The following ULK4 variants were observed in gnomAD, a reference collection of about 807,000 sequenced individuals.
The protein encoded by ULK4 is unc-51 like kinase 4.
A neutral mutation model predicts 160.6 loss-of-function variants in ULK4; 133 were observed. The ratio of observed to expected loss-of-function variants is 0.83; its 90% confidence interval spans 0.72 to 0.96. The LOEUF (loss-of-function observed/expected upper bound fraction) is 0.96, where lower values mean the gene tolerates loss of function less well. ULK4 is among the 40% of genes least tolerant of loss of function. The probability of loss-of-function intolerance (pLI) is 0.00; values close to 1 mark genes in which losing one functional copy is unlikely to be tolerated. For missense variants in ULK4, 1,580 were observed against 1,499.5 expected (o/e 1.05, Z -0.89); for synonymous variants, 534 against 539.8 (o/e 0.99, Z 0.15).
At chr3:41,847,013 C>T (rs1296267857) in intron 17 of ULK4, among the ~76,000 whole-genome samples, 1 of 152,088 alleles carries the variant, frequency 6.6e-6, no homozygotes, top group African/African-American at 2.4e-5. Flanking sequence ...CTTGGGCAAC[C>T]ACAGGCATGA....
At chr3:41,707,244 G>A (rs942474926) in intron 25 of ULK4, among the ~76,000 whole-genome samples, 1 of 152,042 alleles carries the variant, frequency 6.6e-6, no homozygotes, top group African/African-American at 2.4e-5. Context: ...GAAAACATAA[G>A]ACCTGAAATT....
intron 30 of ULK4, among the ~76,000 whole-genome samples, chr3:41,617,764 G>A (rs1342038345): frequency 2.6e-5 from 4 of 152,092 alleles, no homozygotes. Context: ...AACTGGATGG[G>A]GAATAAGTTT....
intron 21 of ULK4, among the ~76,000 whole-genome samples, chr3:41,754,784 T>C (rs1286856880): frequency 2.0e-5 from 3 of 152,176 alleles, no homozygotes; most frequent in Non-Finnish European, 4.4e-5. Flanking sequence ...TCCAGGCCAG[T>C]TGAATGACAA....
chr3:41,532,458 TATC>T (rs1186799186), intron 32 of ULK4, among the ~76,000 whole-genome samples: 2 of 152,200 alleles, frequency 1.3e-5, no homozygotes, highest in Non-Finnish European at 2.9e-5. Flanking sequence ...CTAACAAACT[TATC>T]ATCTTAATTT....
At chr3:41,303,011 A>G (rs987036270) in intron 35 of ULK4, among the ~76,000 whole-genome samples, 2 of 152,252 alleles carry the variant, frequency 1.3e-5, no homozygotes, top group Non-Finnish European at 2.9e-5. Flanking sequence ...AGAAGACAGA[A>G]TTGTGCATTT....
chr3:41,738,235 T>C (rs1450434491), intron 22 of ULK4, among the ~76,000 whole-genome samples: 1 of 151,914 alleles, frequency 6.6e-6, no homozygotes, highest in East Asian at 1.9e-4. Context: ...AAAATGTAAA[T>C]ATGTGACTCC....
intron 11 of ULK4, among the ~76,000 whole-genome samples, chr3:41,910,901 T>A (rs1481720178): frequency 2.0e-5 from 3 of 152,078 alleles, no homozygotes; most frequent in Non-Finnish European, 4.4e-5. Flanking sequence ...AGGCAGAGGT[T>A]ACAATGAACC....
intron 17 of ULK4, among the ~76,000 whole-genome samples, chr3:41,855,303 G>T (rs1462951450): frequency 6.6e-6 from 1 of 151,320 alleles, no homozygotes; most frequent in African/African-American, 2.5e-5. Flanking sequence ...GATGAATATG[G>T]AGGGAGAAAC....
At chr3:41,274,079 G>A (rs2079187640) in intron 35 of ULK4, among the ~76,000 whole-genome samples, 1 of 151,932 alleles carries the variant, frequency 6.6e-6, no homozygotes, top group Non-Finnish European at 1.5e-5. Flanking sequence ...CATATGCTGT[G>A]GCCTGTAAAC....
intron 5 of ULK4, among the ~76,000 whole-genome samples, chr3:41,922,479 G>A (rs1310655701): frequency 2.6e-5 from 4 of 151,998 alleles, no homozygotes; most frequent in Non-Finnish European, 5.9e-5. Flanking sequence ...AGGGAGGGGA[G>A]AGTATGGAAG....
chr3:41,806,629 T>C (rs1575742413), intron 19 of ULK4, among the ~76,000 whole-genome samples: 2 of 152,180 alleles, frequency 1.3e-5, no homozygotes, highest in South Asian at 4.1e-4. Context: ...TTTAGTGCTA[T>C]AAATTTCCCT....
chr3:41,813,834 T>C (rs1465194860), intron 19 of ULK4, among the ~76,000 whole-genome samples: 1 of 152,216 alleles, frequency 6.6e-6, no homozygotes, highest in African/African-American at 2.4e-5. Flanking sequence ...AGAAACGATG[T>C]TGTTTTCTTT....
intron 19 of ULK4, among the ~76,000 whole-genome samples, chr3:41,816,683 GC>G (rs1354598065): frequency 6.6e-6 from 1 of 151,936 alleles, no homozygotes; most frequent in African/African-American, 2.4e-5. Context: ...ATAGTAGTAT[GC>G]ATGTGTAGTC....
intron 31 of ULK4, among the ~76,000 whole-genome samples, chr3:41,599,235 A>G (rs1391690853): frequency 1.3e-5 from 2 of 152,152 alleles, no homozygotes; most frequent in Non-Finnish European, 2.9e-5. Context: ...GATGAGGATG[A>G]GCTAATGTTT....
intron 35 of ULK4, among the ~76,000 whole-genome samples, chr3:41,369,130 G>A (rs2081311300): frequency 6.6e-6 from 1 of 152,134 alleles, no homozygotes; most frequent in South Asian, 2.1e-4. Flanking sequence ...AATGATGAGA[G>A]TACTCTAATT....
chr3:41,549,741 A>G (rs1443369113), intron 32 of ULK4, among the ~76,000 whole-genome samples: 1 of 152,102 alleles, frequency 6.6e-6, no homozygotes, highest in African/African-American at 2.4e-5. Flanking sequence ...AAGGCACATT[A>G]TAGTCAAACC....
intron 22 of ULK4, among the ~76,000 whole-genome samples, chr3:41,747,797 C>T (rs1159421189): frequency 3.9e-5 from 6 of 152,108 alleles, no homozygotes; most frequent in African/African-American, 1.2e-4. Context: ...TCTATGTAAG[C>T]CAAGAAGAAA....
chr3:41,474,014 C>A (rs1410066895), intron 32 of ULK4, among the ~76,000 whole-genome samples: 1 of 152,002 alleles, frequency 6.6e-6, no homozygotes, highest in Non-Finnish European at 1.5e-5. Context: ...TCAAATGGAA[C>A]CACAAAATAA....
At chr3:41,287,750 C>A (rs920016580) in intron 35 of ULK4, among the ~76,000 whole-genome samples, 4 of 152,120 alleles carry the variant, frequency 2.6e-5, no homozygotes, top group African/African-American at 9.7e-5. Flanking sequence ...AACTTCACAC[C>A]CTCCTAGCAT....
Sources: allele counts gnomAD v4.1 joint callset (sites outside exome capture counted in the v4.1 genomes callset), GRCh38; gene constraint gnomAD v4.1.1; transcripts MANE v1.5; gene names NCBI Gene and HGNC (gene_info 2026-07-23, HGNC 2026-07-21).